NREP: variants seen among roughly 807,000 people sequenced by gnomAD.
NREP encodes the protein neuronal regeneration related protein, also known as neuronal regeneration-related protein.
In NREP, 5 loss-of-function variants were observed where a neutral mutation model predicts 8.6. That is an observed-to-expected ratio of 0.58 (90% confidence interval 0.30 to 1.22). NREP has a LOEUF of 1.22. Ranked by LOEUF, NREP falls within the 50% of genes most tolerant of loss-of-function variation. The pLI is 0.07. For synonymous variants in NREP, 27 were observed against 28.0 expected, an observed-to-expected ratio of 0.96 and a Z score of 0.11; for missense variants, 86 against 82.5, an observed-to-expected ratio of 1.04 and a Z score of -0.17.
chr5:111,749,233 TTGAAGGTATGAGG>T (rs1461269248), intron 2 of NREP, among the ~76,000 whole-genome samples: 1 of 152,112 alleles, frequency 6.6e-6, no homozygotes, highest in Non-Finnish European at 1.5e-5. Context: ...AAAAAATTAC[TTGAAGGTATGAGG>T]TGGAGAAGGC....
At chr5:111,970,771 A>T (rs982449758) in intron 2 of NREP, among the ~76,000 whole-genome samples, 2 of 135,672 alleles carry the variant, frequency 1.5e-5, no homozygotes, top group African/African-American at 5.4e-5. Flanking sequence ...GGTTGCAGTG[A>T]GTCGAAATCA....
At chr5:111,746,088 A>G (rs954453281) in intron 2 of NREP, among the ~76,000 whole-genome samples, 1 of 152,164 alleles carries the variant, frequency 6.6e-6, no homozygotes, top group African/African-American at 2.4e-5. Context: ...TAGCTCATCA[A>G]TTTAGTAAAA....
upstream of NREP, chr5:111,757,885 G>T: frequency 1.0e-6 from 1 of 983,534 alleles, no homozygotes; most frequent in South Asian, 4.7e-5. Flanking sequence ...GTGCTGCACA[G>T]CCCGGCGGCC....
chr5:111,888,346 G>C (rs1347803667), intron 2 of NREP, among the ~76,000 whole-genome samples: 2 of 151,598 alleles, frequency 1.3e-5, no homozygotes, highest in Non-Finnish European at 2.9e-5. Flanking sequence ...GGGTGGCGGG[G>C]GGGGTCTCAG....
intron 2 of NREP, among the ~76,000 whole-genome samples, chr5:111,946,282 A>G (rs528168684): frequency 6.6e-6 from 1 of 152,118 alleles, no homozygotes; most frequent in African/African-American, 2.4e-5. Context: ...GCTCCCAAAA[A>G]ACAAGATCCT....
At chr5:111,895,229 G>A (rs2112539489) in intron 2 of NREP, among the ~76,000 whole-genome samples, 1 of 152,300 alleles carries the variant, frequency 6.6e-6, no homozygotes, top group African/African-American at 2.4e-5. Context: ...TGAGGACAGA[G>A]TGGGGCTCAG....
intron 2 of NREP, among the ~76,000 whole-genome samples, chr5:111,794,020 T>C (rs56710098): frequency 0.023 from 3,538 of 152,316 alleles, 152 homozygotes; most frequent in African/African-American, 0.079. Flanking sequence ...CCATGCTTAG[T>C]CTGGGCAACA....
At chr5:111,844,153 G>T (rs1385743338) in intron 2 of NREP, among the ~76,000 whole-genome samples, 1 of 151,958 alleles carries the variant, frequency 6.6e-6, no homozygotes, top group Non-Finnish European at 1.5e-5. Context: ...TAGAATAAAA[G>T]AGTTATAAAG....
intron 2 of NREP, among the ~76,000 whole-genome samples, chr5:111,900,434 G>A (rs1754619558): frequency 6.6e-6 from 1 of 151,810 alleles, no homozygotes; most frequent in East Asian, 1.9e-4. Context: ...AGGCCTGAAT[G>A]TAATAGAGGC....
intron 2 of NREP, among the ~76,000 whole-genome samples, chr5:111,955,000 A>G (rs1484663339): frequency 1.3e-5 from 2 of 152,186 alleles, no homozygotes; most frequent in Admixed American, 6.6e-5. Flanking sequence ...TAATTTTCCA[A>G]TGAAGATGCA....
chr5:111,758,246 C>G (rs934929536), upstream of NREP: 22 of 985,458 alleles, frequency 2.2e-5, no homozygotes, highest in Non-Finnish European at 2.7e-5. Flanking sequence ...CACAGTCACA[C>G]GCGCACAACC....
intron 2 of NREP, among the ~76,000 whole-genome samples, chr5:111,941,967 T>C (rs1247424696): frequency 1.3e-5 from 2 of 152,102 alleles, no homozygotes; most frequent in Non-Finnish European, 2.9e-5. Context: ...GTGTGGACTC[T>C]GAATTAGATT....
At chr5:111,889,346 A>T (rs1375388165) in intron 2 of NREP, among the ~76,000 whole-genome samples, 1 of 152,136 alleles carries the variant, frequency 6.6e-6, no homozygotes, top group Non-Finnish European at 1.5e-5. Flanking sequence ...TACCAAAGAC[A>T]TTACCAAGAA....
chr5:111,830,109 A>G (rs1030824700), intron 2 of NREP, among the ~76,000 whole-genome samples: 1 of 152,118 alleles, frequency 6.6e-6, no homozygotes, highest in African/African-American at 2.4e-5. Context: ...ATGTGGCCCA[A>G]CACAACTTTG....
At chr5:111,963,003 TG>T (rs1207525848) in intron 2 of NREP, among the ~76,000 whole-genome samples, 1 of 152,260 alleles carries the variant, frequency 6.6e-6, no homozygotes, top group Non-Finnish European at 1.5e-5. Context: ...ACCCAACATG[TG>T]TGGATACCCA....
intron 2 of NREP, among the ~76,000 whole-genome samples, chr5:111,915,854 T>C (rs898689051): frequency 1.1e-4 from 16 of 152,142 alleles, no homozygotes; most frequent in African/African-American, 3.1e-4. Context: ...TGTTCATTGG[T>C]TATAACCAGT....
intron 2 of NREP, among the ~76,000 whole-genome samples, chr5:111,950,051 T>C (rs1756110382): frequency 6.6e-6 from 1 of 152,082 alleles, no homozygotes; most frequent in Admixed American, 6.6e-5. Flanking sequence ...CCACCAACAG[T>C]GTAAAAGAGC....
intron 2 of NREP, among the ~76,000 whole-genome samples, chr5:111,925,379 G>A (rs1397757207): frequency 6.6e-6 from 1 of 152,102 alleles, no homozygotes; most frequent in Non-Finnish European, 1.5e-5. Flanking sequence ...GCCCTGGTTT[G>A]CCACATGGAT....
intron 2 of NREP, among the ~76,000 whole-genome samples, chr5:111,963,782 T>C (rs1417666668): frequency 6.6e-6 from 1 of 152,228 alleles, no homozygotes; most frequent in Non-Finnish European, 1.5e-5. Context: ...GAACAGAAAC[T>C]GAGCCTTTGG....
Sources: gnomAD v4.1 joint callset for allele counts (sites outside exome capture counted in the v4.1 genomes callset) on GRCh38, gnomAD v4.1.1 for gene constraint, MANE v1.5 for transcripts, NCBI Gene and HGNC (gene_info 2026-07-23, HGNC 2026-07-21) for gene names.